Variants in GALNT17 observed in about 807,000 individuals in gnomAD.
GALNT17 encodes polypeptide N-acetylgalactosaminyltransferase 17.
GALNT17 carries 29 observed loss-of-function variants against 63.7 expected under a neutral mutation model. That is an observed-to-expected ratio of 0.46 (90% confidence interval 0.34 to 0.62). The LOEUF (loss-of-function observed/expected upper bound fraction) is 0.62, where lower values mean the gene tolerates loss of function less well. Among genes scored for constraint, GALNT17 ranks in the 20% least tolerant of loss-of-function variants. GALNT17 has a pLI of 0.01. For missense variants in GALNT17, 603 were observed against 799.6 expected (o/e 0.75, Z 2.97); for synonymous variants, 305 against 318.3 (o/e 0.96, Z 0.45).
At chr7:71,296,498 C>T (rs1489841737) in intron 1 of GALNT17, among the ~76,000 whole-genome samples, 1 of 151,834 alleles carries the variant, frequency 6.6e-6, no homozygotes, top group Non-Finnish European at 1.5e-5. Context: ...GCCTGTAATC[C>T]CAGCTACTCG....
chr7:71,536,558 G>A (rs1343510476), intron 5 of GALNT17, among the ~76,000 whole-genome samples: 1 of 152,178 alleles, frequency 6.6e-6, no homozygotes, highest in East Asian at 1.9e-4. Context: ...AAATGAGGAA[G>A]ATGCAAAAGC....
intron 6 of GALNT17, among the ~76,000 whole-genome samples, chr7:71,634,713 TACTG>T: frequency 7.1e-6 from 1 of 139,958 alleles, no homozygotes; most frequent in Non-Finnish European, 1.5e-5. Context: ...GAGATGGTAC[TACTG>T]CACTCCAGCC....
At chr7:71,634,670 C>T (rs1291704309) in intron 6 of GALNT17, among the ~76,000 whole-genome samples, 2 of 150,458 alleles carry the variant, frequency 1.3e-5, no homozygotes, top group Non-Finnish European at 2.9e-5. Flanking sequence ...AGGAGAATTG[C>T]TTGAACCTGG....
intron 9 of GALNT17, among the ~76,000 whole-genome samples, chr7:71,705,981 T>C (rs1791717881): frequency 6.6e-6 from 1 of 152,170 alleles, no homozygotes; most frequent in Non-Finnish European, 1.5e-5. Context: ...AGGCTCCTGG[T>C]TCAGGACTGG....
intron 5 of GALNT17, among the ~76,000 whole-genome samples, chr7:71,490,256 C>CA (rs35867509): frequency 0.3 from 40,624 of 136,360 alleles, 5,727 homozygotes; most frequent in African/African-American, 0.35. Context: ...GACTCTGTCT[C>CA]AAAAAAAAAA....
chr7:71,643,157 G>A (rs1016839832), intron 6 of GALNT17, among the ~76,000 whole-genome samples: 4 of 151,044 alleles, frequency 2.6e-5, no homozygotes, highest in South Asian at 2.1e-4. Context: ...CAAGATCAAC[G>A]CTATTCAGAA....
chr7:71,600,173 A>G (rs1789944990), intron 6 of GALNT17, among the ~76,000 whole-genome samples: 2 of 151,586 alleles, frequency 1.3e-5, no homozygotes, highest in African/African-American at 4.9e-5. Flanking sequence ...TGACCAAAGG[A>G]GCCACAGTGT....
chr7:71,566,155 A>G (rs1298153797), intron 5 of GALNT17, among the ~76,000 whole-genome samples: 1 of 151,948 alleles, frequency 6.6e-6, no homozygotes, highest in Non-Finnish European at 1.5e-5. Flanking sequence ...GATTACACGC[A>G]TGAGCCACAC....
chr7:71,321,921 T>TCCTTCCTC (rs1791620329), intron 1 of GALNT17, among the ~76,000 whole-genome samples: 2 of 32,186 alleles, frequency 6.2e-5, no homozygotes, highest in African/African-American at 9.3e-5. Context: ...CTTCCTTCCT[T>TCCTTCCTC]CCCCTCCCTC....
At chr7:71,464,807 G>A (rs1308690594) in intron 5 of GALNT17, among the ~76,000 whole-genome samples, 1 of 151,844 alleles carries the variant, frequency 6.6e-6, no homozygotes, top group Non-Finnish European at 1.5e-5. Context: ...TGTTTCCCTT[G>A]TCTAGTCTTG....
At chr7:71,256,206 A>C (rs1790286869) in intron 1 of GALNT17, among the ~76,000 whole-genome samples, 1 of 152,268 alleles carries the variant, frequency 6.6e-6, no homozygotes, top group South Asian at 2.1e-4. Context: ...CAGCTGTCCC[A>C]CCTTTTCAGA....
In GALNT17 at chr7:71,165,371, A is replaced by G. The variant is rs115471998; in HGVS notation, c.238+32331A>G. On this transcript the variant is annotated intron_variant, in intron 1 of 10. Coordinates refer to ENST00000333538, the MANE Select transcript of GALNT17 (RefSeq NM_022479.3). The stretch of plus-strand genomic sequence containing the variant: ...ATACCTGGGACTGGGTAATTTACAA[A>G]AGAAAGAAGTTTAATGGACTCATAG... 1.9e-3 allele frequency among the ~76,000 whole-genome samples: 293 copies of G among 152,320 alleles called. 1 individual carries two copies. Among genetic ancestry groups the G allele is most frequent in the African/African-American group, 6.8e-3 (283 of 41,578 alleles).
At chr7:71,469,997 T>A (rs568431068) in intron 5 of GALNT17, among the ~76,000 whole-genome samples, 1 of 152,250 alleles carries the variant, frequency 6.6e-6, no homozygotes, top group East Asian at 1.9e-4. Context: ...TAACCTGAGG[T>A]CAGGAGTTCA....
At chr7:71,528,523 C>T (rs1788662278) in intron 5 of GALNT17, among the ~76,000 whole-genome samples, 1 of 152,158 alleles carries the variant, frequency 6.6e-6, no homozygotes, top group Admixed American at 6.5e-5. Flanking sequence ...TGTGTCTTCT[C>T]ATCCTGGGAC....
chr7:71,535,576 G>A (rs1402075112), intron 5 of GALNT17, among the ~76,000 whole-genome samples: 1 of 152,164 alleles, frequency 6.6e-6, no homozygotes, highest in African/African-American at 2.4e-5. Flanking sequence ...TCATGTTTGA[G>A]GACCATTAAG....
At chr7:71,366,028 G>C (rs2116251138) in intron 2 of GALNT17, among the ~76,000 whole-genome samples, 1 of 152,274 alleles carries the variant, frequency 6.6e-6, no homozygotes, top group Non-Finnish European at 1.5e-5. Context: ...CTCATAAGGA[G>C]CTCGCAACCT....
At chr7:71,453,430 A>G (rs1441136818) in intron 5 of GALNT17, among the ~76,000 whole-genome samples, 2 of 152,210 alleles carry the variant, frequency 1.3e-5, no homozygotes, top group African/African-American at 4.8e-5. Flanking sequence ...GGCACGTCTA[A>G]CGTGGTGGTA....
rs547454927 is a variant in GALNT17 at position 71,706,988 on chromosome 7, G to A, written c.1501-3773G>A. Among the ~76,000 whole-genome samples the A allele has an allele frequency of 2.4e-4, 37 of 152,280 alleles. No homozygotes were observed. In the South Asian group the frequency reaches 6.8e-3, roughly 28 times the overall value. The stretch of plus-strand genomic sequence containing the variant: ...GCTGGGCCATGGCAGCCAACCATGA[G>A]GTATTCGGTGACCAAAAGAAAGCGG... On this transcript the variant is annotated intron_variant, in intron 9 of 10. Coordinates refer to ENST00000333538, the MANE Select transcript of GALNT17 (RefSeq NM_022479.3).
intron 5 of GALNT17, among the ~76,000 whole-genome samples, chr7:71,536,686 G>A (rs1056949989): frequency 4.6e-5 from 7 of 152,120 alleles, no homozygotes; most frequent in African/African-American, 9.7e-5. Context: ...CCCACAACAC[G>A]TGGGAATTAT....
Sources: allele counts gnomAD v4.1 joint callset (sites outside exome capture counted in the v4.1 genomes callset), GRCh38; gene constraint gnomAD v4.1.1; transcripts MANE v1.5; gene names NCBI Gene and HGNC (gene_info 2026-07-23, HGNC 2026-07-21).